Variants in RAD51B observed in about 807,000 individuals in gnomAD.
The protein encoded by RAD51B is DNA repair protein RAD51 homolog 2.
A neutral mutation model predicts 42.2 loss-of-function variants in RAD51B; 38 were observed. The observed-to-expected ratio is 0.90, with a 90% confidence interval of 0.70 to 1.18. The LOEUF (loss-of-function observed/expected upper bound fraction) is 1.18, where lower values mean the gene tolerates loss of function less well. RAD51B is among the 50% of genes most tolerant of loss of function. The pLI is 0.00. For synonymous variants in RAD51B, 154 were observed against 145.2 expected, an observed-to-expected ratio of 1.06 and a Z score of -0.43; for missense variants, 373 against 400.7, an observed-to-expected ratio of 0.93 and a Z score of 0.59.
chr14:68,300,745 T>A (rs985369503), intron 8 of RAD51B, among the ~76,000 whole-genome samples: 4 of 152,292 alleles, frequency 2.6e-5, no homozygotes, highest in Admixed American at 2.0e-4. Flanking sequence ...AAACTATTAT[T>A]ATCTGGTGAG....
intron 10 of RAD51B, chr14:68,540,996 A>G (rs1387526973): frequency 1.0e-6 from 1 of 985,306 alleles, no homozygotes; most frequent in African/African-American, 1.7e-5. Context: ...TGTTATTGCT[A>G]TCATTTGTTT....
At chr14:68,001,506 A>T (rs929962195) in intron 7 of RAD51B, among the ~76,000 whole-genome samples, 3 of 152,174 alleles carry the variant, frequency 2.0e-5, no homozygotes, top group Admixed American at 2.0e-4. Context: ...GAGACTCAAA[A>T]AGGTAATGGA....
intron 7 of RAD51B, among the ~76,000 whole-genome samples, chr14:68,095,297 A>T (rs2140530295): frequency 6.9e-6 from 1 of 144,884 alleles, no homozygotes; most frequent in East Asian, 2.0e-4. Context: ...AAAGAGGGTT[A>T]AAAAAAAAAA....
chr14:68,586,768 G>A lies in RAD51B; in HGVS notation c.1037-7717G>A, dbSNP rs551823178. 2.0e-5 allele frequency among the ~76,000 whole-genome samples: 3 copies of A among 152,302 alleles called. No homozygotes were observed. The South Asian group carries it at 6.2e-4, about 32-fold the overall frequency. ...CCCTGTAATCCCAGCACTTTGGGAG[G>A]CTGAGGTGGGTGGATCACCTGAGGT... On this transcript the variant is annotated intron_variant, in intron 10 of 10. Coordinates refer to the RAD51B transcript ENST00000487270.
chr14:67,902,215 A>G (rs2043635957), intron 7 of RAD51B, among the ~76,000 whole-genome samples: 1 of 152,126 alleles, frequency 6.6e-6, no homozygotes, highest in South Asian at 2.1e-4. Context: ...TACTAATAAT[A>G]TTAATAGATG....
At chr14:68,413,742 C>T (rs565747998) in intron 9 of RAD51B, among the ~76,000 whole-genome samples, 5 of 152,222 alleles carry the variant, frequency 3.3e-5, no homozygotes, top group African/African-American at 9.6e-5. Flanking sequence ...AGAAGCCATA[C>T]GAAGCGAAGG....
rs371810144 is a variant in RAD51B, at chr14:68,618,666, A to T, written c.1037-32115A>T. Among the ~76,000 whole-genome samples, 3 of 152,304 alleles carry T rather than the reference A, an allele frequency of 2.0e-5. No homozygotes were observed. The East Asian group carries it at 5.8e-4, about 29-fold the overall frequency. On this transcript the variant is annotated intron_variant, in intron 10 of 11. Coordinates refer to the RAD51B transcript ENST00000488612. The stretch of plus-strand genomic sequence containing the variant: ...TTGATGCTGCCTCTAAATGTAAACC[A>T]TCTACTGCCCAGTAATTGTAAGACC...
intron 8 of RAD51B, among the ~76,000 whole-genome samples, chr14:68,363,532 A>G (rs1305460783): frequency 6.6e-6 from 1 of 151,900 alleles, no homozygotes; most frequent in Non-Finnish European, 1.5e-5. Flanking sequence ...GGGCCTCCTC[A>G]TTGGAGTGTG....
At chr14:68,480,862 G>A (rs1883123689), downstream of RAD51B, among the ~76,000 whole-genome samples, 1 of 152,186 alleles carries the variant, frequency 6.6e-6, no homozygotes, top group Admixed American at 6.5e-5. Flanking sequence ...TTCAGGGGAG[G>A]GAACTCAAGA....
chr14:68,545,970 G>A (rs1451473125), intron 10 of RAD51B, among the ~76,000 whole-genome samples: 1 of 152,156 alleles, frequency 6.6e-6, no homozygotes, highest in East Asian at 1.9e-4. Context: ...CAACTTAGAA[G>A]TATTTTATTC....
At chr14:68,016,737 G>A (rs1391577378) in intron 7 of RAD51B, among the ~76,000 whole-genome samples, 1 of 152,146 alleles carries the variant, frequency 6.6e-6, no homozygotes, top group African/African-American at 2.4e-5. Context: ...GAAATTATCT[G>A]TGAATTGGAA....
chr14:68,088,807 G>A (rs184606055), intron 7 of RAD51B, among the ~76,000 whole-genome samples: 193 of 152,226 alleles, frequency 1.3e-3, no homozygotes, highest in African/African-American at 3.9e-3. Context: ...CTGTATGGGC[G>A]TAACTGAAGA....
intron 8 of RAD51B, among the ~76,000 whole-genome samples, chr14:68,356,915 G>A (rs374983464): frequency 0.021 from 3,176 of 148,170 alleles, 55 homozygotes; most frequent in East Asian, 0.052. Context: ...CCCGGGAGGC[G>A]GAGCTTGCAG....
chr14:68,288,691 T>G (rs2081459221), intron 7 of RAD51B, among the ~76,000 whole-genome samples: 1 of 152,234 alleles, frequency 6.6e-6, no homozygotes, highest in Admixed American at 6.5e-5. Context: ...TTTGTAAGTT[T>G]CTGGAGCATA....
At chr14:68,572,216 T>C (rs1056624544) in intron 10 of RAD51B, among the ~76,000 whole-genome samples, 2 of 152,212 alleles carry the variant, frequency 1.3e-5, no homozygotes, top group African/African-American at 4.8e-5. Flanking sequence ...GATATACTAG[T>C]GGGTTCCGCT....
At chr14:68,293,912 A>C (rs2081563591) in intron 8 of RAD51B, among the ~76,000 whole-genome samples, 1 of 152,254 alleles carries the variant, frequency 6.6e-6, no homozygotes, top group South Asian at 2.1e-4. Context: ...GCAGTAAATA[A>C]ATGCTGAATG....
intron 10 of RAD51B, among the ~76,000 whole-genome samples, chr14:68,571,088 G>T (rs180774538): frequency 2.6e-5 from 4 of 152,184 alleles, no homozygotes; most frequent in Admixed American, 6.5e-5. Context: ...AATTGGCAGA[G>T]GGGGGAGGCA....
rs115189581 is a variant in RAD51B at position 68,579,644 on chromosome 14, T to A, written c.1037-14841T>A. On this transcript the variant is annotated intron_variant, in intron 10 of 10. Transcript: ENST00000487270. ...AGATTGTGTTGGGTGGTCTATATTT[T>A]ACCTGGCAGCCCATTTGCATGTTTC... 5.5e-3 allele frequency among the ~76,000 whole-genome samples: 832 copies of A among 152,334 alleles called. 8 individuals are homozygous for A. Among genetic ancestry groups the A allele is most frequent in the African/African-American group, 0.019 (794 of 41,570 alleles).
chr14:68,272,428 A>G (rs535497252), intron 7 of RAD51B, among the ~76,000 whole-genome samples: 2 of 151,706 alleles, frequency 1.3e-5, no homozygotes, highest in Non-Finnish European at 2.9e-5. Flanking sequence ...CAAATTATTC[A>G]ATGTTGCCAT....
Sources: allele counts gnomAD v4.1 joint callset (sites outside exome capture counted in the v4.1 genomes callset), GRCh38; gene constraint gnomAD v4.1.1; transcripts MANE v1.5; gene names NCBI Gene and HGNC (gene_info 2026-07-23, HGNC 2026-07-21).